MED13L: variants seen among roughly 807,000 people sequenced by gnomAD.
MED13L encodes the protein mediator complex subunit 13L.
MED13L carries 7 observed loss-of-function variants against 220.9 expected under a neutral mutation model. The observed-to-expected ratio is 0.03, with a 90% CI of 0.02 to 0.06. The LOEUF (loss-of-function observed/expected upper bound fraction) is 0.06. Ranked by LOEUF, MED13L falls within the 10% of genes least tolerant of loss-of-function variation. MED13L has a pLI of 1.00. For missense variants in MED13L, 1,965 were observed against 2,760.5 expected (o/e 0.71, Z 6.46); for synonymous variants, 1,011 against 1,015.2 (o/e 1.00, Z 0.08).
At chr12:116,262,266 A>G (rs1872566321) in intron 1 of MED13L, among the ~76,000 whole-genome samples, 1 of 152,232 alleles carries the variant, frequency 6.6e-6, no homozygotes, top group Non-Finnish European at 1.5e-5. Context: ...CCAAACTCAA[A>G]CTTTTACAAA....
At chr12:116,167,639 G>A (rs1442915675) in intron 2 of MED13L, among the ~76,000 whole-genome samples, 1 of 152,182 alleles carries the variant, frequency 6.6e-6, no homozygotes, top group South Asian at 2.1e-4. Context: ...CATGAGTGCT[G>A]TGGAGAGACC....
At chr12:116,025,146 T>C (rs1051886225) in intron 4 of MED13L, among the ~76,000 whole-genome samples, 1 of 152,074 alleles carries the variant, frequency 6.6e-6, no homozygotes, top group Non-Finnish European at 1.5e-5. Flanking sequence ...ACATGAGTAA[T>C]CATCAGGGAA....
chr12:116,115,633 G>A (rs761186437), intron 2 of MED13L, among the ~76,000 whole-genome samples: 13 of 151,308 alleles, frequency 8.6e-5, no homozygotes, highest in East Asian at 3.9e-4. Flanking sequence ...TTCAGAATAC[G>A]TTACTTTTTT....
intron 2 of MED13L, among the ~76,000 whole-genome samples, chr12:116,193,662 TA>T (rs567638674): frequency 3.5e-4 from 52 of 150,538 alleles, no homozygotes; most frequent in South Asian, 1.7e-3. Flanking sequence ...TATTTTTGTT[TA>T]AAAAAAAAGG....
chr12:116,173,080 T>C (rs1280655511), intron 2 of MED13L, among the ~76,000 whole-genome samples: 1 of 148,120 alleles, frequency 6.8e-6, no homozygotes, highest in African/African-American at 2.5e-5. Flanking sequence ...AGGATACAAG[T>C]GCATGGCACA....
intron 2 of MED13L, among the ~76,000 whole-genome samples, chr12:116,184,534 C>T (rs1880750167): frequency 6.6e-6 from 1 of 152,042 alleles, no homozygotes; most frequent in South Asian, 2.1e-4. Context: ...AGAAACATAG[C>T]TTAAGAAAAA....
intron 4 of MED13L, among the ~76,000 whole-genome samples, chr12:116,083,948 A>G (rs1367471580): frequency 4.6e-5 from 7 of 152,194 alleles, no homozygotes; most frequent in Non-Finnish European, 1.0e-4. Flanking sequence ...AGACTACACA[A>G]TGATGTAGCC....
chr12:116,145,808 G>T (rs375134511), intron 2 of MED13L, among the ~76,000 whole-genome samples: 1 of 151,610 alleles, frequency 6.6e-6, no homozygotes, highest in Non-Finnish European at 1.5e-5. Flanking sequence ...ACTAAATCTA[G>T]GTGACAGCCA....
intron 1 of MED13L, among the ~76,000 whole-genome samples, chr12:116,238,974 A>T (rs1223850290): frequency 6.6e-6 from 1 of 152,200 alleles, no homozygotes; most frequent in East Asian, 1.9e-4. Flanking sequence ...GTGTGCCTGT[A>T]ATCTCAGCTA....
intron 4 of MED13L, among the ~76,000 whole-genome samples, chr12:116,060,319 G>A (rs558752358): frequency 6.5e-4 from 99 of 151,946 alleles, no homozygotes; most frequent in African/African-American, 2.2e-3. Context: ...AACTCACGCC[G>A]GTAATACTAT....
intron 29 of MED13L, 121 bp from the exon 30 acceptor site, chr12:115,963,640 G>A (rs1875928468): frequency 1.3e-6 from 1 of 755,844 alleles, no homozygotes; most frequent in Non-Finnish European, 2.3e-6. Context: ...GGGTTTCTGT[G>A]AGTCTACAAA....
intron 4 of MED13L, among the ~76,000 whole-genome samples, chr12:116,083,336 A>C (rs939341534): frequency 7.3e-6 from 1 of 136,914 alleles, no homozygotes; most frequent in Non-Finnish European, 1.5e-5. Context: ...CCCGGCATGG[A>C]GGCTGCAGTG....
chr12:115,964,436 T>C (rs1875998628), intron 29 of MED13L, among the ~76,000 whole-genome samples: 1 of 152,230 alleles, frequency 6.6e-6, no homozygotes, highest in Non-Finnish European at 1.5e-5. Context: ...ACCAGGACAC[T>C]ACATCCATCA....
chr12:116,149,084 C>A (rs1877818701), intron 2 of MED13L, among the ~76,000 whole-genome samples: 1 of 152,174 alleles, frequency 6.6e-6, no homozygotes, highest in Non-Finnish European at 1.5e-5. Flanking sequence ...CATACCTTTG[C>A]TCATGCACCG....
chr12:116,134,477 T>C (rs1227839904), intron 2 of MED13L, among the ~76,000 whole-genome samples: 1 of 152,170 alleles, frequency 6.6e-6, no homozygotes, highest in African/African-American at 2.4e-5. Flanking sequence ...AAACTGGCTA[T>C]GTGGCTGAAT....
At chr12:116,163,585 G>A (rs1244053220) in intron 2 of MED13L, among the ~76,000 whole-genome samples, 5 of 151,954 alleles carry the variant, frequency 3.3e-5, no homozygotes, top group Admixed American at 6.6e-5. Context: ...GGCTGGTCTC[G>A]AATTCCTGAC....
intron 2 of MED13L, among the ~76,000 whole-genome samples, chr12:116,196,429 T>C (rs1272956905): frequency 6.6e-6 from 1 of 150,802 alleles, no homozygotes. Flanking sequence ...CGGCTGCAAC[T>C]TAATAGTCCT....
intron 4 of MED13L, among the ~76,000 whole-genome samples, chr12:116,026,753 C>A (rs1185324305): frequency 6.6e-6 from 1 of 152,060 alleles, no homozygotes; most frequent in African/African-American, 2.4e-5. Flanking sequence ...AAGTTGAATC[C>A]CCCTGTGACC....
At chr12:116,007,724 A>C in intron 10 of MED13L, 88 bp from the exon 11 acceptor site, 1 of 1,047,412 alleles carries the variant, frequency 9.5e-7, no homozygotes, top group Non-Finnish European at 1.4e-6. Flanking sequence ...ACAACTAAAA[A>C]TTCACCGATA....
Sources: allele counts gnomAD v4.1 joint callset (sites outside exome capture counted in the v4.1 genomes callset), GRCh38; gene constraint gnomAD v4.1.1; transcripts MANE v1.5; gene names NCBI Gene and HGNC (gene_info 2026-07-23, HGNC 2026-07-21).